Variants in ATP13A2 observed in about 807,000 individuals in gnomAD.
The protein encoded by ATP13A2 is polyamine-transporting ATPase 13A2.
Under a neutral mutation model 138.3 loss-of-function variants are expected in ATP13A2, and 83 were observed. The ratio of observed to expected loss-of-function variants is 0.60; its 90% CI spans 0.50 to 0.72. ATP13A2 has a LOEUF of 0.72. Ranked by LOEUF, ATP13A2 falls within the 30% of genes least tolerant of loss-of-function variation. ATP13A2 has a pLI of 0.00. For missense variants in ATP13A2, 1,402 were observed against 1,606.4 expected (o/e 0.87, Z 2.17); for synonymous variants, 663 against 699.0 (o/e 0.95, Z 0.81).
chr1:17,006,898 C>CT (rs540300884), intron 1 of ATP13A2, among the ~76,000 whole-genome samples: 2,397 of 149,558 alleles, frequency 0.016, 18 homozygotes, highest in Non-Finnish European at 0.024. Context: ...TGCAGATATT[C>CT]TTTTTTTTTT....
chr1:16,991,519 T>A (rs544794749), intron 20 of ATP13A2, among the ~76,000 whole-genome samples: 2 of 152,310 alleles, frequency 1.3e-5, no homozygotes, highest in East Asian at 3.9e-4. Context: ...GTCACTCCAC[T>A]CCTCTGAGTC....
chr1:17,009,690 C>T (rs1004848834), intron 1 of ATP13A2, among the ~76,000 whole-genome samples: 3 of 151,904 alleles, frequency 2.0e-5, no homozygotes, highest in Non-Finnish European at 4.4e-5. Flanking sequence ...CCACCACACC[C>T]GGCCTCAAGA....
rs2076943011 is a variant in ATP13A2, at chr1:16,991,855, G to A, written c.2130C>T (p.Asp710=). The A allele has an allele frequency of 6.2e-7, 1 of 1,614,110 alleles. No homozygotes were observed. Among genetic ancestry groups the A allele is most frequent in the African/African-American group, 1.3e-5 (1 of 75,080 alleles). ...SLEAAQQLTR[D]TVEGDLSLLG... ...GGAGGCTCAGGTCTCCTTCCACAGTGTCCCTGGAGGGTGGGCAGACCTGGA... is the reference window on the plus strand; with the variant it reads ...GGAGGCTCAGGTCTCCTTCCACAGTATCCCTGGAGGGTGGGCAGACCTGGA... Residue 710 remains aspartate (D), a synonymous_variant, in exon 20 of 29, where the codon GAC becomes GAT. Transcript: ENST00000326735.
rs549478230 is a variant in ATP13A2 at position 16,992,786 on chromosome 1, C to T, written c.1750-205G>A. ...CTGGAATACGTCACTCCAAATCTCC[C>T]AGCCTCAGCATCCGTGAAGCAACAT... On this transcript the variant is annotated intron_variant, in intron 16 of 28. Transcript: ENST00000326735. 1.2e-4 allele frequency among the ~76,000 whole-genome samples: 19 copies of T among 152,358 alleles called. 1 individual carries two copies. The South Asian group carries it at 3.9e-3, about 32-fold the overall frequency.
chr1:17,004,756 G>A lies in ATP13A2; in HGVS notation c.413C>T (p.Pro138Leu). ...GRSQAAVGAVPEGAWKDTAQL... is the reference protein window; with the variant it reads ...GRSQAAVGAVLEGAWKDTAQL... ...GGCCGTATCCTTCCAGGCACCCTCT[G>A]GTACCGCCCCAACTGCCGCCTGGCT... is the stretch of plus-strand genomic sequence containing the variant. The change falls in exon 5 of 29, where the codon CCA becomes CTA. Residue 138 changes from proline to leucine, a missense_variant. Transcript: ENST00000326735. The surrounding 1 kb of genome is among the most constrained non-coding windows in gnomAD (Gnocchi z 4.1). 6.2e-7 allele frequency: 1 copy of A among 1,614,092 alleles called. No individual in the cohort carries two copies. Among genetic ancestry groups the A allele is most frequent in the Non-Finnish European group, 8.5e-7 (1 of 1,180,026 alleles).
At chr1:16,989,515 A>AT (rs764284350) in intron 23 of ATP13A2, among the ~76,000 whole-genome samples, 176 bp downstream of exon 23, 20 of 152,200 alleles carry the variant, frequency 1.3e-4, no homozygotes, top group Non-Finnish European at 2.5e-4. Context: ...CCAGCCTACA[A>AT]TTATTATTTT....
chr1:16,986,193 C>T lies in ATP13A2; in HGVS notation c.*28G>A, dbSNP rs746938025. 1.2e-6 allele frequency: 2 copies of T among 1,612,690 alleles called. No individual in the cohort carries two copies. The highest frequency in any genetic ancestry group is 2.2e-5 in the East Asian group (1 of 44,808). On this transcript the variant is annotated 3_prime_UTR_variant, in exon 29 of 29. Coordinates refer to ENST00000326735, the MANE Select transcript of ATP13A2 (RefSeq NM_022089.4). This position sits in a 1 kb window ranked among gnomAD's most constrained non-coding sequence, Gnocchi z 6.9. ...TTGGTGGCTCAGAGGCAGGGAGTTC[C>T]AGTGTCTGGGGTGCCCGTGGGCCTG...
chr1:16,998,367 G>A (rs1171410141), intron 11 of ATP13A2, among the ~76,000 whole-genome samples: 1 of 151,996 alleles, frequency 6.6e-6, no homozygotes, highest in Non-Finnish European at 1.5e-5. Context: ...ACTACACCTG[G>A]CTAATTTTTT....
At chr1:16,990,626 C>A (rs2076897974) in intron 20 of ATP13A2, among the ~76,000 whole-genome samples, 1 of 151,630 alleles carries the variant, frequency 6.6e-6, no homozygotes, top group South Asian at 2.1e-4. Flanking sequence ...TCAAGCAATT[C>A]TCCTGCCTCA....
chr1:16,987,668 C>T (rs932749158), intron 25 of ATP13A2, among the ~76,000 whole-genome samples: 8 of 152,198 alleles, frequency 5.3e-5, no homozygotes, highest in African/African-American at 1.7e-4. Flanking sequence ...AGATGTGCGC[C>T]GCCCTGCAGT....
chr1:16,986,063 A>C lies in ATP13A2; in HGVS notation c.*158T>G, dbSNP rs185521359. On this transcript the variant is annotated 3_prime_UTR_variant, in exon 29 of 29. Transcript: ENST00000326735. This position sits in a 1 kb window ranked among gnomAD's most constrained non-coding sequence, Gnocchi z 6.9. ...TGGTCCAAGGTAGGGGACAGTAGTC[A>C]ACGCTTCCCCAGGGTGGGGGTGGTC... 2.7e-5 allele frequency: 41 copies of C among 1,514,758 alleles called. No homozygotes were observed. The highest frequency in any genetic ancestry group is 3.3e-5 in the Non-Finnish European group (37 of 1,129,202). The allele number at this position is 1,514,758 out of a possible 1,614,324, so 93.8% of individuals were successfully genotyped here. A position where few individuals can be genotyped will look rare whatever the true frequency, so the allele number is the denominator to read the frequency against.
rs1038999330 is a variant in ATP13A2, at chr1:16,991,868, G to T, written c.2127-10C>A. 1 of 1,613,948 alleles carries T rather than the reference G, an allele frequency of 6.2e-7. No homozygotes were observed. The highest frequency in any genetic ancestry group is 8.5e-7 in the Non-Finnish European group (1 of 1,180,060). On this transcript the variant is annotated splice_polypyrimidine_tract_variant and intron_variant, in intron 19 of 28. Coordinates refer to ENST00000326735, the MANE Select transcript of ATP13A2 (RefSeq NM_022089.4). Reference sequence around the variant, plus strand: ...TCCTTCCACAGTGTCCCTGGAGGGTGGGCAGACCTGGATCAGAGGTCATGC... The same window carrying T: ...TCCTTCCACAGTGTCCCTGGAGGGTTGGCAGACCTGGATCAGAGGTCATGC...
In ATP13A2 at chr1:16,993,655, A is replaced by T; in HGVS notation, c.1723T>A (p.Leu575Met). 1 of 1,592,868 alleles carries T rather than the reference A, an allele frequency of 6.3e-7. No individual in the cohort carries two copies. The highest frequency in any genetic ancestry group is 8.5e-7 in the Non-Finnish European group (1 of 1,170,160). Residue 575 changes from leucine (L) to methionine (M), a missense_variant, in exon 16 of 29, where the codon TTG becomes ATG. Leu to Met is a conservative substitution (Grantham distance 15). Coordinates refer to ENST00000326735, the MANE Select transcript of ATP13A2 (RefSeq NM_022089.4). ...CAGCCAGTAGACTCCACCATCTTCA[A>T]GTCCATGGGGTCGCCCACGGGGGTG... is the stretch of plus-strand genomic sequence containing the variant. ...QDTPVGDPMDLKMVESTGWVL... is the reference protein window; with the variant it reads ...QDTPVGDPMDMKMVESTGWVL...
intron 25 of ATP13A2, 53 bp from the exon 26 acceptor site, chr1:16,987,322 C>T: frequency 6.4e-7 from 1 of 1,564,230 alleles, no homozygotes; most frequent in Non-Finnish European, 8.7e-7. Context: ...CCCTGGCAGC[C>T]CCTAGTCTGA....
At position 17,005,429 on chromosome 1, in the gene ATP13A2, C is replaced by G; in HGVS notation, c.233G>C (p.Arg78Pro). 1 of 1,613,214 alleles carries G rather than the reference C, an allele frequency of 6.2e-7. No individual in the cohort carries two copies. Among genetic ancestry groups the G allele is most frequent in the Non-Finnish European group, 8.5e-7 (1 of 1,179,622 alleles). Residue 78 changes from arginine to proline, a missense_variant, in exon 3 of 29, where the codon CGG becomes CCG. Transcript: ENST00000326735. Reference protein sequence around the residue: ...KPLWGVRLRLRPCNLAHAETL... With the variant: ...KPLWGVRLRLPPCNLAHAETL... ...TTCGGCGTGGGCCAGGTTGCAGGGC[C>G]GGAGCCGCAGCCGCACCCCCCACAG... is the stretch of plus-strand genomic sequence containing the variant.
At position 16,996,298 on chromosome 1, in the gene ATP13A2, G is replaced by A. The variant is rs149372969; in HGVS notation, c.1309C>T (p.Leu437Phe). ...KFVAALSVLA[L>F]LGTIYSIFIL... Reference sequence around the variant, plus strand: ...AAGATGCTGTAGATGGTGCCGAGGAGAGCTGTGGGGACAGCGAAGGACTGA... The same window carrying A: ...AAGATGCTGTAGATGGTGCCGAGGAAAGCTGTGGGGACAGCGAAGGACTGA... Residue 437 changes from leucine to phenylalanine, a missense_variant and splice_region_variant, in exon 14 of 29, where the codon CTC (leucine) becomes TTC (phenylalanine). Transcript: ENST00000326735. 1.9e-6 allele frequency: 3 copies of A among 1,614,210 alleles called. No homozygotes were observed. The South Asian group carries it at 3.3e-5, about 18-fold the overall frequency.
chr1:17,005,556 T>G lies in ATP13A2; in HGVS notation c.106A>C (p.Arg36=). Residue 36 remains arginine, a splice_region_variant and synonymous_variant, in exon 3 of 29, where the codon AGG becomes CGG. Coordinates refer to ENST00000326735, the MANE Select transcript of ATP13A2 (RefSeq NM_022089.4). ...DPLSSSVSSV[R]LSGYCGSPWR... is the part of the protein sequence containing the mutation. ...GGACTGCCACAGTAGCCGCTGAGCCTCTGCGAACGCAGCGAGAGAGGGCCC... is the reference window on the plus strand; with the variant it reads ...GGACTGCCACAGTAGCCGCTGAGCCGCTGCGAACGCAGCGAGAGAGGGCCC... The G allele has an allele frequency of 6.2e-7, 1 of 1,614,216 alleles. No homozygotes were observed. Among genetic ancestry groups the G allele is most frequent in the Non-Finnish European group, 8.5e-7 (1 of 1,180,046 alleles).
In ATP13A2 at chr1:16,996,419, T is replaced by G. The variant is rs912023632; in HGVS notation, c.1273A>C (p.Ser425Arg). The G allele has an allele frequency of 6.2e-7, 1 of 1,614,106 alleles. No individual in the cohort carries two copies. The highest frequency in any genetic ancestry group is 8.5e-7 in the Non-Finnish European group (1 of 1,180,004). The change falls in exon 13 of 29, where the codon AGC becomes CGC. Residue 425 changes from serine (S) to arginine (R), a missense_variant. By Grantham distance (110) the Ser-to-Arg change is moderately radical. Coordinates refer to ENST00000326735, the MANE Select transcript of ATP13A2 (RefSeq NM_022089.4). ...GAGAGGGCAGCCACAAACTTCATGCTGTGTTTATAGAACTTGAAGTTGATG... is the reference window on the plus strand; with the variant it reads ...GAGAGGGCAGCCACAAACTTCATGCGGTGTTTATAGAACTTGAAGTTGATG... ...RPINFKFYKH[S>R]MKFVAALSVL...
rs56274609 is a variant in ATP13A2, at chr1:16,996,773, G to A, written c.1195+247C>T. 0.069 allele frequency: 43,666 copies of A among 628,550 alleles called. 1,925 individuals are homozygous for A. The highest frequency in any genetic ancestry group is 0.15 in the African/African-American group (8,013 of 54,664). The allele number at this position is 628,550 out of a possible 1,614,324, so 38.9% of individuals were successfully genotyped here. On this transcript the variant is annotated intron_variant, in intron 12 of 28. Transcript: ENST00000326735. ...CTGCCTGCCCGCTACATCCCTGCCC[G>A]CTCCAGCACTGTAACCCCGGCGGCT...
Sources: allele counts gnomAD v4.1 joint callset (sites outside exome capture counted in the v4.1 genomes callset), GRCh38; gene constraint gnomAD v4.1.1; non-coding constraint Gnocchi (gnomAD v3.1); transcripts MANE v1.5; gene names NCBI Gene and HGNC (gene_info 2026-07-23, HGNC 2026-07-21).